NBAS: variants seen among roughly 807,000 people sequenced by gnomAD.
NBAS encodes the protein NBAS subunit of NRZ tethering complex.
In NBAS, 219 loss-of-function variants were observed where a neutral mutation model predicts 302.5. The ratio of observed to expected loss-of-function variants is 0.72; its 90% CI spans 0.65 to 0.81. The LOEUF (loss-of-function observed/expected upper bound fraction) is 0.81, where lower values mean the gene tolerates loss of function less well. Among genes scored for constraint, NBAS ranks in the 30% least tolerant of loss-of-function variants. The probability of loss-of-function intolerance (pLI) is 0.00; values close to 1 mark genes in which losing one functional copy is unlikely to be tolerated. For synonymous variants in NBAS, 1,118 were observed against 1,021.6 expected, an observed-to-expected ratio of 1.09 and a Z score of -1.80; for missense variants, 2,932 against 2,841.6, an observed-to-expected ratio of 1.03 and a Z score of -0.72.
chr2:15,505,457 C>A (rs986920990), intron 10 of NBAS, among the ~76,000 whole-genome samples: 12 of 152,092 alleles, frequency 7.9e-5, no homozygotes, highest in East Asian at 3.9e-4. Context: ...GAAGAAGTGC[C>A]TTTTGCCAAA....
At chr2:14,997,268 A>T in the NBAS span, among the ~76,000 whole-genome samples, 10 of 152,124 alleles carry the variant, frequency 6.6e-5, no homozygotes, top group African/African-American at 2.4e-4. Context: ...GCCCGATTAC[A>T]TGAGTTTACT....
At chr2:15,307,244 C>T (rs1671072683) in intron 40 of NBAS, among the ~76,000 whole-genome samples, 1 of 152,212 alleles carries the variant, frequency 6.6e-6, no homozygotes, top group Non-Finnish European at 1.5e-5. Flanking sequence ...CTAAAACGGG[C>T]TTTCCTATAG....
At chr2:15,339,698 C>G (rs921001391) in intron 35 of NBAS, among the ~76,000 whole-genome samples, 1 of 151,970 alleles carries the variant, frequency 6.6e-6, no homozygotes, top group Admixed American at 6.6e-5. Flanking sequence ...TTGATATGGG[C>G]TAGAAAGAAA....
chr2:15,062,169 T>C, the NBAS span, among the ~76,000 whole-genome samples: 1 of 152,328 alleles, frequency 6.6e-6, no homozygotes, highest in African/African-American at 2.4e-5. Context: ...GCTGTGTTAC[T>C]GCTGCCTGGT....
chr2:15,349,325 T>C (rs1030231028), intron 35 of NBAS, among the ~76,000 whole-genome samples: 7 of 152,156 alleles, frequency 4.6e-5, no homozygotes, highest in Admixed American at 2.6e-4. Flanking sequence ...CATTAGCTAG[T>C]ATAAGAACTG....
intron 10 of NBAS, among the ~76,000 whole-genome samples, chr2:15,505,040 C>G (rs1558396444): frequency 6.6e-6 from 1 of 152,152 alleles, no homozygotes; most frequent in Non-Finnish European, 1.5e-5. Flanking sequence ...TAAATCTACA[C>G]AAAAACCATA....
chr2:15,482,466 G>C (rs1043327880), intron 12 of NBAS, among the ~76,000 whole-genome samples: 2 of 152,102 alleles, frequency 1.3e-5, no homozygotes, highest in African/African-American at 4.8e-5. Flanking sequence ...TGTTGATTAA[G>C]TAAATTTGTC....
intron 42 of NBAS, 92 bp from the exon 43 acceptor site, chr2:15,277,193 T>C (rs1669625614): frequency 5.4e-6 from 8 of 1,472,370 alleles, no homozygotes; most frequent in Admixed American, 4.1e-5. Flanking sequence ...CTACTTCTTA[T>C]AGCTCCCTTC....
chr2:15,210,463 A>G (rs1195992110), intron 48 of NBAS, among the ~76,000 whole-genome samples: 5 of 152,212 alleles, frequency 3.3e-5, no homozygotes, highest in African/African-American at 1.2e-4. Flanking sequence ...TCCAAAAGAC[A>G]GGCAATAAAC....
At chr2:14,882,581 A>C in the NBAS span, among the ~76,000 whole-genome samples, 1 of 152,200 alleles carries the variant, frequency 6.6e-6, no homozygotes, top group Non-Finnish European at 1.5e-5. Flanking sequence ...AGAGAAAGTG[A>C]GGTGATCCTC....
chr2:15,244,060 GC>G (rs1363716403), intron 44 of NBAS, among the ~76,000 whole-genome samples: 1 of 152,160 alleles, frequency 6.6e-6, no homozygotes, highest in Admixed American at 6.5e-5. Context: ...CTTTAAGCTA[GC>G]CCCCTTTAAG....
chr2:14,977,267 A>T, the NBAS span, among the ~76,000 whole-genome samples: 1 of 152,212 alleles, frequency 6.6e-6, no homozygotes, highest in South Asian at 2.1e-4. Context: ...GACTTTACAG[A>T]CAAGACTATG....
At chr2:15,316,362 G>A (rs1407867737) in intron 38 of NBAS, among the ~76,000 whole-genome samples, 1 of 152,206 alleles carries the variant, frequency 6.6e-6, no homozygotes, top group Non-Finnish European at 1.5e-5. Context: ...TCATCTCACT[G>A]GGACTGGTTG....
intron 35 of NBAS, among the ~76,000 whole-genome samples, chr2:15,341,539 T>C (rs1321965227): frequency 6.6e-6 from 1 of 152,082 alleles, no homozygotes; most frequent in Non-Finnish European, 1.5e-5. Flanking sequence ...TAGCAATTAA[T>C]AACTCAATAA....
At chr2:15,327,292 A>G (rs1467568357) in intron 38 of NBAS, among the ~76,000 whole-genome samples, 1 of 152,160 alleles carries the variant, frequency 6.6e-6, no homozygotes, top group East Asian at 1.9e-4. Flanking sequence ...AGGCTAAAGG[A>G]AAAAAAGGTA....
intron 40 of NBAS, among the ~76,000 whole-genome samples, chr2:15,298,786 T>C (rs1290648778): frequency 1.3e-5 from 2 of 152,158 alleles, no homozygotes; most frequent in Non-Finnish European, 2.9e-5. Flanking sequence ...TTCGAAAGCA[T>C]TTTCACGTGA....
chr2:15,238,743 C>T, intron 44 of NBAS, 57 bp from the exon 45 acceptor site: 1 of 1,483,438 alleles, frequency 6.7e-7, no homozygotes, highest in Non-Finnish European at 9.2e-7. Flanking sequence ...ATTGCATATT[C>T]AGCAAGTGTT....
In NBAS at chr2:15,274,415, A is replaced by G. The variant is rs989514000; in HGVS notation, c.5724+1069T>C. On this transcript the variant is annotated intron_variant, in intron 44 of 51. Transcript: ENST00000281513. ...ACCTGGTGACTTGCACGGAAGGAGAAGGCAACAGCAAAGATGGCAAGAGAG... is the reference window on the plus strand; with the variant it reads ...ACCTGGTGACTTGCACGGAAGGAGAGGGCAACAGCAAAGATGGCAAGAGAG... 1.2e-4 allele frequency among the ~76,000 whole-genome samples: 18 copies of G among 152,218 alleles called. 1 individual carries two copies.
the NBAS span, among the ~76,000 whole-genome samples, chr2:14,965,956 T>G: frequency 1.3e-5 from 2 of 151,994 alleles, no homozygotes; most frequent in African/African-American, 4.8e-5. Context: ...GAGGTTAAAG[T>G]GGATTAGGGT....
Sources: allele counts gnomAD v4.1 joint callset (sites outside exome capture counted in the v4.1 genomes callset), GRCh38; gene constraint gnomAD v4.1.1; transcripts MANE v1.5; gene names NCBI Gene and HGNC (gene_info 2026-07-23, HGNC 2026-07-21).